The following ULK4 variants were observed in gnomAD, a reference collection of about 807,000 sequenced individuals.
The protein encoded by ULK4 is inactive serine/threonine-protein kinase ULK4.
ULK4 carries 133 observed loss-of-function variants against 160.6 expected under a neutral mutation model. The observed-to-expected ratio is 0.83, with a 90% confidence interval of 0.72 to 0.96. The LOEUF (loss-of-function observed/expected upper bound fraction) is 0.96. Among genes scored for constraint, ULK4 ranks in the 40% least tolerant of loss-of-function variants. ULK4 has a pLI of 0.00. For synonymous variants in ULK4, 534 were observed against 539.8 expected (o/e 0.99, Z 0.15); for missense variants, 1,580 against 1,499.5 (o/e 1.05, Z -0.89).
intron 22 of ULK4, among the ~76,000 whole-genome samples, chr3:41,736,190 C>A (rs915802968): frequency 1.3e-5 from 2 of 151,628 alleles, no homozygotes; most frequent in Non-Finnish European, 2.9e-5. Context: ...GATTTATAAT[C>A]CTTTGGGTAT....
intron 34 of ULK4, among the ~76,000 whole-genome samples, chr3:41,449,640 AAGG>A (rs542865686): frequency 3.7e-3 from 561 of 152,264 alleles, no homozygotes; most frequent in Non-Finnish European, 7.0e-3. Context: ...CAGGAAACAG[AAGG>A]AGAACAGGCA....
intron 2 of ULK4, among the ~76,000 whole-genome samples, chr3:41,954,228 T>G (rs1248261846): frequency 7.0e-6 from 1 of 143,682 alleles, no homozygotes; most frequent in Admixed American, 7.0e-5. Flanking sequence ...GGCGTGGTGG[T>G]ATGTGCCTGT....
rs572424409 is a variant in ULK4 at position 41,342,201 on chromosome 3, T to C, written c.3678+55878A>G. 1.8e-4 allele frequency among the ~76,000 whole-genome samples: 27 copies of C among 152,218 alleles called. No homozygotes were observed. The South Asian group carries it at 4.1e-3, about 23-fold the overall frequency. On this transcript the variant is annotated intron_variant, in intron 35 of 36. Coordinates refer to ENST00000301831, the MANE Select transcript of ULK4 (RefSeq NM_017886.4). ...AAGCTTGTCTATGAGTTTTCATGCA[T>C]AGCAACAGGCAAACACACCCAATCA...
rs60306590 is a variant in ULK4 at position 41,308,433 on chromosome 3, CA to C, written c.3679-58860del. Among the ~76,000 whole-genome samples the C allele has an allele frequency of 3.7e-3, 479 of 131,156 alleles. 2 individuals are homozygous for C. The highest frequency in any genetic ancestry group is 8.3e-3 in the Middle Eastern group (2 of 240). 86.0% of individuals were successfully genotyped at this position (131,156 alleles called of 152,430 possible). A position where few individuals can be genotyped will look rare whatever the true frequency, so the allele number is the denominator to read the frequency against. On this transcript the variant is annotated intron_variant, in intron 35 of 36. Coordinates refer to ENST00000301831, the MANE Select transcript of ULK4 (RefSeq NM_017886.4). ...TAACCAAATTACTGAATAAAAACTA[CA>C]AAAAAAAAAAGATTAAGTTGATTAT...
At chr3:41,650,449 T>C (rs2034692497) in intron 30 of ULK4, among the ~76,000 whole-genome samples, 1 of 152,222 alleles carries the variant, frequency 6.6e-6, no homozygotes, top group South Asian at 2.1e-4. Context: ...TCCAAGCTTC[T>C]GGATGCTACC....
intron 30 of ULK4, among the ~76,000 whole-genome samples, chr3:41,628,087 T>C (rs1275564808): frequency 1.3e-5 from 2 of 152,186 alleles, no homozygotes; most frequent in East Asian, 3.8e-4. Flanking sequence ...CCAATCTGAT[T>C]GTAACAGGAA....
intron 31 of ULK4, among the ~76,000 whole-genome samples, chr3:41,566,370 A>T (rs561485414): frequency 6.6e-6 from 1 of 152,238 alleles, no homozygotes; most frequent in Non-Finnish European, 1.5e-5. Context: ...TTCCCTGCCC[A>T]TGAGCTGAGA....
At chr3:41,458,067 G>T (rs938968012) in intron 33 of ULK4, among the ~76,000 whole-genome samples, 4 of 152,184 alleles carry the variant, frequency 2.6e-5, no homozygotes, top group African/African-American at 9.7e-5. Context: ...CAGGGTGAGT[G>T]GGGCAGGGCT....
chr3:41,375,161 A>G (rs1298610939), intron 35 of ULK4, among the ~76,000 whole-genome samples: 1 of 152,226 alleles, frequency 6.6e-6, no homozygotes, highest in Non-Finnish European at 1.5e-5. Context: ...AAAACATTCC[A>G]TGGTCATGGA....
At chr3:41,599,853 C>A (rs573139857) in intron 31 of ULK4, among the ~76,000 whole-genome samples, 1 of 152,102 alleles carries the variant, frequency 6.6e-6, no homozygotes, top group South Asian at 2.1e-4. Context: ...GCGTGAGCCA[C>A]CGTGCCTGGC....
rs934862564 is a variant in ULK4 at position 41,299,961 on chromosome 3, G to A, written c.3679-50387C>T. 6.6e-5 allele frequency among the ~76,000 whole-genome samples: 10 copies of A among 152,138 alleles called. No homozygotes were observed. The South Asian group carries it at 2.1e-3, about 32-fold the overall frequency. ...TGATTTCTTTATGAGAGATTCTTAG[G>A]AGCAGAATTACCAAGTCAAGGTTAT... On this transcript the variant is annotated intron_variant, in intron 35 of 36. Coordinates refer to ENST00000301831, the MANE Select transcript of ULK4 (RefSeq NM_017886.4).
At chr3:41,349,384 A>C (rs986712293) in intron 35 of ULK4, among the ~76,000 whole-genome samples, 5 of 152,286 alleles carry the variant, frequency 3.3e-5, no homozygotes, top group African/African-American at 1.2e-4. Context: ...CCTTAAGGAA[A>C]CCTGACAACC....
chr3:41,746,649 G>A (rs1428972592), intron 22 of ULK4, among the ~76,000 whole-genome samples: 2 of 151,728 alleles, frequency 1.3e-5, no homozygotes, highest in Admixed American at 1.3e-4. Flanking sequence ...AAGCTTATAT[G>A]GAAAAGCATA....
chr3:41,555,808 T>C (rs113747779), intron 32 of ULK4, among the ~76,000 whole-genome samples: 1 of 152,306 alleles, frequency 6.6e-6, no homozygotes, highest in South Asian at 2.1e-4. Context: ...GAAAATGTGG[T>C]ACATCATGGA....
At position 41,384,232 on chromosome 3, in the gene ULK4, C is replaced by T. The variant is rs372643972; in HGVS notation, c.3678+13847G>A. 6.9e-4 allele frequency among the ~76,000 whole-genome samples: 105 copies of T among 151,842 alleles called. 1 individual carries two copies. Among genetic ancestry groups the T allele is most frequent in the South Asian group, 4.2e-4 (2 of 4,804 alleles). ...TGGGACATTCTGACCCAAAATATCA[C>T]GAGGAAACAATCATTCTACTCCAGA... On this transcript the variant is annotated intron_variant, in intron 35 of 36. Transcript: ENST00000301831.
chr3:41,310,365 G>T (rs544753633), intron 35 of ULK4, among the ~76,000 whole-genome samples: 34 of 152,110 alleles, frequency 2.2e-4, no homozygotes, highest in African/African-American at 7.7e-4. Flanking sequence ...CCAAATAAAA[G>T]AAATGACTAC....
intron 35 of ULK4, among the ~76,000 whole-genome samples, chr3:41,331,303 T>C (rs1008550694): frequency 2.0e-5 from 3 of 152,156 alleles, no homozygotes; most frequent in African/African-American, 7.2e-5. Context: ...CAGAAACACT[T>C]GGCCAAGTCA....
rs116010635 is a variant in ULK4, at chr3:41,387,314, C to T, written c.3678+10765G>A. On this transcript the variant is annotated intron_variant, in intron 35 of 36. Coordinates refer to ENST00000301831, the MANE Select transcript of ULK4 (RefSeq NM_017886.4). ...ATTATTAACTATAGTCATCCTACAA[C>T]GGTATAGAATGCTAGGACTTATTCC... 7.6e-3 allele frequency among the ~76,000 whole-genome samples: 1,150 copies of T among 152,098 alleles called. 4 individuals carry two copies. The highest frequency in any genetic ancestry group is 0.016 in the African/African-American group (665 of 41,500).
Position 41,862,653 on chromosome 3 carries a change from T to C in ULK4, c.1656+21221A>G, listed in dbSNP as rs144872675. Among the ~76,000 whole-genome samples the C allele has an allele frequency of 1.6e-3, 248 of 152,318 alleles. 1 individual carries two copies. Among genetic ancestry groups the C allele is most frequent in the Non-Finnish European group, 2.4e-3 (162 of 68,020 alleles). On this transcript the variant is annotated intron_variant, in intron 17 of 36. Transcript: ENST00000301831. Reference sequence around the variant, plus strand: ...ACTGTAGTTCTTGCAGACTCAGACATGTATTGCCTTGATGGTCTTAGATGA... The same window carrying C: ...ACTGTAGTTCTTGCAGACTCAGACACGTATTGCCTTGATGGTCTTAGATGA...
Sources: allele counts gnomAD v4.1 joint callset (sites outside exome capture counted in the v4.1 genomes callset), GRCh38; gene constraint gnomAD v4.1.1; transcripts MANE v1.5; gene names NCBI Gene and HGNC (gene_info 2026-07-23, HGNC 2026-07-21).